NINJ2: variants seen among roughly 807,000 people sequenced by gnomAD.
The protein encoded by NINJ2 is ninjurin-2.
Under a neutral mutation model 11.7 loss-of-function variants are expected in NINJ2, and 12 were observed. The ratio of observed to expected loss-of-function variants is 1.02; its 90% CI spans 0.66 to 1.66. NINJ2 has a LOEUF of 1.66. Ranked by LOEUF, NINJ2 falls within the 40% of genes most tolerant of loss-of-function variation. NINJ2 has a pLI of 0.00. For missense variants in NINJ2, 187 were observed against 181.8 expected, an observed-to-expected ratio of 1.03 and a Z score of -0.16; for synonymous variants, 93 against 76.8, an observed-to-expected ratio of 1.21 and a Z score of -1.10.
chr12:595,414 C>T (rs1015647090), intron 1 of NINJ2, among the ~76,000 whole-genome samples: 2 of 152,142 alleles, frequency 1.3e-5, no homozygotes, highest in South Asian at 2.1e-4. Flanking sequence ...AAATTAAATG[C>T]CTCTGCTCTG....
intron 1 of NINJ2, among the ~76,000 whole-genome samples, chr12:595,617 T>C (rs551515744): frequency 6.6e-6 from 1 of 152,182 alleles, no homozygotes; most frequent in African/African-American, 2.4e-5. Flanking sequence ...GCCGGGCGTG[T>C]TGGTGCATGC....
chr12:612,921 G>T (rs1049696767), intron 1 of NINJ2, among the ~76,000 whole-genome samples: 2 of 152,320 alleles, frequency 1.3e-5, no homozygotes, highest in South Asian at 4.1e-4. Context: ...CGCCTGATCG[G>T]CTGATTGGTG....
At chr12:568,374 T>C (rs1222266207) in intron 1 of NINJ2, among the ~76,000 whole-genome samples, 1 of 152,176 alleles carries the variant, frequency 6.6e-6, no homozygotes, top group Non-Finnish European at 1.5e-5. Flanking sequence ...TCCTAACGTT[T>C]GCCTTCAAAA....
intron 1 of NINJ2, among the ~76,000 whole-genome samples, chr12:569,569 G>C (rs1176128617): frequency 1.3e-5 from 2 of 152,120 alleles, no homozygotes; most frequent in Non-Finnish European, 2.9e-5. Context: ...CCCCCCAAAT[G>C]TATCGTTAAC....
intron 1 of NINJ2, among the ~76,000 whole-genome samples, chr12:656,565 A>G (rs1283132893): frequency 6.6e-6 from 1 of 151,618 alleles, no homozygotes; most frequent in African/African-American, 2.4e-5. Context: ...CCTGGCCAAG[A>G]TGGTGAAACC....
chr12:629,417 G>T (rs563803101), intron 1 of NINJ2, among the ~76,000 whole-genome samples: 2 of 152,232 alleles, frequency 1.3e-5, no homozygotes, highest in African/African-American at 4.8e-5. Flanking sequence ...AGGTCCAATG[G>T]CGGGGAGAGT....
chr12:575,951 CT>C (rs1947451870), intron 1 of NINJ2, among the ~76,000 whole-genome samples: 1 of 152,162 alleles, frequency 6.6e-6, no homozygotes, highest in Non-Finnish European at 1.5e-5. Context: ...TGCAGCTGGT[CT>C]TCAGGCCAAA....
intron 1 of NINJ2, among the ~76,000 whole-genome samples, chr12:611,757 T>C (rs1948036222): frequency 1.3e-5 from 2 of 152,264 alleles, no homozygotes; most frequent in South Asian, 4.1e-4. Context: ...ATACCCACCA[T>C]ACCTCTTTCT....
intron 1 of NINJ2, among the ~76,000 whole-genome samples, chr12:605,054 G>A (rs981026690): frequency 1.3e-5 from 2 of 152,204 alleles, no homozygotes. Flanking sequence ...GGTTCTCCTG[G>A]CTGAAGGATA....
At chr12:629,010 C>T (rs1948239331) in intron 1 of NINJ2, among the ~76,000 whole-genome samples, 1 of 152,186 alleles carries the variant, frequency 6.6e-6, no homozygotes, top group African/African-American at 2.4e-5. Context: ...AAATAGCCAA[C>T]CAGCAGCCCT....
intron 1 of NINJ2, chr12:644,546 G>C (rs1322760757): frequency 6.6e-6 from 1 of 152,274 alleles, no homozygotes; most frequent in African/African-American, 2.4e-5. Context: ...GTTCTAGGCA[G>C]AGGAAAAAGG....
At chr12:632,166 G>A (rs1261195657) in intron 1 of NINJ2, 2 of 152,170 alleles carry the variant, frequency 1.3e-5, no homozygotes. Context: ...CTCGGGCTCA[G>A]GATATGGAAA....
At chr12:629,141 C>A (rs1262996163) in intron 1 of NINJ2, among the ~76,000 whole-genome samples, 1 of 152,250 alleles carries the variant, frequency 6.6e-6, no homozygotes, top group Non-Finnish European at 1.5e-5. Flanking sequence ...AAAACCCTCT[C>A]TTGGGGTCTG....
intron 1 of NINJ2, among the ~76,000 whole-genome samples, chr12:578,050 G>T (rs1279364335): frequency 6.6e-6 from 1 of 152,128 alleles, no homozygotes; most frequent in African/African-American, 2.4e-5. Context: ...GGTAGTTAAA[G>T]ATCGACCCCT....
chr12:604,207 A>T (rs1361130829), intron 1 of NINJ2, among the ~76,000 whole-genome samples: 1 of 152,206 alleles, frequency 6.6e-6, no homozygotes, highest in African/African-American at 2.4e-5. Context: ...TTAAATCTGT[A>T]GACCAATTTG....
At position 566,022 on chromosome 12, in the gene NINJ2, TGTA is replaced by T; in HGVS notation, c.187_189del (p.Tyr63del). 2 of 1,613,796 alleles carry T rather than the reference TGTA, an allele frequency of 1.2e-6. No individual in the cohort carries two copies. Among genetic ancestry groups the T allele is most frequent in the South Asian group, 2.2e-5 (2 of 91,056 alleles). ...AGGCTGATGAGGGTGACCAGGGTGG[TGTA>T]GTAGTGAGAGGATGGTCCCTGCTCC... On this transcript the variant is annotated inframe_deletion, in exon 2 of 4. Transcript: ENST00000305108.
intron 1 of NINJ2, among the ~76,000 whole-genome samples, chr12:613,980 A>AATG (rs112723252): frequency 1.4e-4 from 21 of 152,326 alleles, no homozygotes; most frequent in African/African-American, 4.1e-4. Context: ...TGGAAGGAGC[A>AATG]ATGATGGTAC....
At chr12:632,309 G>C (rs1948294015) in intron 1 of NINJ2, 2 of 152,178 alleles carry the variant, frequency 1.3e-5, no homozygotes, top group African/African-American at 4.8e-5. Flanking sequence ...TCTTTTCTTT[G>C]TTTGTCCTGG....
intron 1 of NINJ2, among the ~76,000 whole-genome samples, chr12:603,808 G>A (rs1487096768): frequency 3.3e-5 from 5 of 151,952 alleles, no homozygotes; most frequent in East Asian, 3.9e-4. Context: ...CTACAGGCAC[G>A]CACCATCACA....
Sources: gnomAD v4.1 joint callset for allele counts (sites outside exome capture counted in the v4.1 genomes callset) on GRCh38, gnomAD v4.1.1 for gene constraint, MANE v1.5 for transcripts, NCBI Gene and HGNC (gene_info 2026-07-23, HGNC 2026-07-21) for gene names.